CDH12: variants seen among roughly 807,000 people sequenced by gnomAD.
The protein encoded by CDH12 is cadherin 12, also known as cadherin-12.
In CDH12, 41 loss-of-function variants were observed where a neutral mutation model predicts 74.1. That is an observed-to-expected ratio of 0.55 (90% CI 0.43 to 0.72). The LOEUF (loss-of-function observed/expected upper bound fraction) is 0.72. Among genes scored for constraint, CDH12 ranks in the 30% least tolerant of loss-of-function variants. The pLI is 0.00. For missense variants in CDH12, 945 were observed against 977.2 expected (o/e 0.97, Z 0.44); for synonymous variants, 399 against 355.0 (o/e 1.12, Z -1.39).
intron 1 of CDH12, among the ~76,000 whole-genome samples, chr5:22,742,168 C>G (rs1423020022): frequency 6.8e-6 from 1 of 146,414 alleles, no homozygotes; most frequent in African/African-American, 2.5e-5. Flanking sequence ...GGTGACAGAG[C>G]AAGACTCCAT....
intron 1 of CDH12, among the ~76,000 whole-genome samples, chr5:22,824,987 AT>A (rs1400219598): frequency 2.6e-5 from 4 of 151,946 alleles, no homozygotes; most frequent in Non-Finnish European, 5.9e-5. Context: ...ACATTAATAA[AT>A]TCAAAAAGGC....
At chr5:22,306,757 T>A (rs947880755) in intron 3 of CDH12, among the ~76,000 whole-genome samples, 1 of 152,120 alleles carries the variant, frequency 6.6e-6, no homozygotes, top group African/African-American at 2.4e-5. Context: ...AAAGTTTGCA[T>A]GAAAATCAAG....
At chr5:22,313,744 G>T (rs1301740660) in intron 3 of CDH12, among the ~76,000 whole-genome samples, 1 of 152,098 alleles carries the variant, frequency 6.6e-6, no homozygotes, top group Non-Finnish European at 1.5e-5. Flanking sequence ...ACCAAAAACC[G>T]TATGTTCTCA....
At chr5:22,201,537 T>C (rs751002043) in intron 4 of CDH12, among the ~76,000 whole-genome samples, 1 of 151,916 alleles carries the variant, frequency 6.6e-6, no homozygotes, top group Non-Finnish European at 1.5e-5. Context: ...GATGGAAAAG[T>C]GTGAGGGAGG....
intron 6 of CDH12, among the ~76,000 whole-genome samples, chr5:21,921,931 G>A (rs749381083): frequency 3.3e-5 from 5 of 152,120 alleles, no homozygotes; most frequent in Non-Finnish European, 7.4e-5. Flanking sequence ...CTAACTCACT[G>A]TCAAAGCTTC....
intron 1 of CDH12, among the ~76,000 whole-genome samples, chr5:22,700,203 A>G (rs1742641119): frequency 6.6e-6 from 1 of 152,136 alleles, no homozygotes; most frequent in East Asian, 1.9e-4. Flanking sequence ...TGCTAATGAC[A>G]TGCTGACAAA....
In CDH12 at chr5:22,686,450, C is replaced by T. The variant is rs561023559; in HGVS notation, c.-523+166608G>A. On this transcript the variant is annotated intron_variant, in intron 1 of 14. Transcript: ENST00000382254. ...GGTGTCATGTTCAAGAAGTCTTCGC[C>T]TAACTAAAGGTCATGAAGATTTACT... is the stretch of plus-strand genomic sequence containing the variant. Among the ~76,000 whole-genome samples the T allele has an allele frequency of 2.6e-5, 4 of 152,282 alleles. No individual in the cohort carries two copies. In the East Asian group the frequency reaches 7.7e-4, roughly 29 times the overall value.
intron 3 of CDH12, among the ~76,000 whole-genome samples, chr5:22,304,946 G>A (rs1028092719): frequency 9.2e-5 from 14 of 152,078 alleles, no homozygotes; most frequent in Non-Finnish European, 1.6e-4. Flanking sequence ...GTAAACCTTC[G>A]AAAATACTAG....
At chr5:22,418,147 G>A (rs948297487) in intron 2 of CDH12, among the ~76,000 whole-genome samples, 2 of 152,118 alleles carry the variant, frequency 1.3e-5, no homozygotes, top group Admixed American at 6.6e-5. Flanking sequence ...AGTTCTCCTT[G>A]AAGAGGTCCT....
chr5:22,573,312 T>C (rs1739627377), intron 1 of CDH12, among the ~76,000 whole-genome samples: 1 of 152,194 alleles, frequency 6.6e-6, no homozygotes, highest in African/African-American at 2.4e-5. Context: ...ATCTAACTTT[T>C]CAGGTCTTTC....
intron 1 of CDH12, among the ~76,000 whole-genome samples, chr5:22,536,171 A>G (rs933977996): frequency 2.6e-5 from 4 of 152,190 alleles, no homozygotes; most frequent in Non-Finnish European, 5.9e-5. Context: ...CTTTGTTCTC[A>G]AGTAGCAAGT....
intron 4 of CDH12, among the ~76,000 whole-genome samples, chr5:22,167,360 G>A (rs550586741): frequency 1.3e-5 from 2 of 152,308 alleles, no homozygotes; most frequent in South Asian, 2.1e-4. Flanking sequence ...GAATTGGAAT[G>A]ACCTTACTCT....
intron 2 of CDH12, among the ~76,000 whole-genome samples, chr5:22,497,421 C>A (rs1335355594): frequency 6.6e-6 from 1 of 152,048 alleles, no homozygotes; most frequent in African/African-American, 2.4e-5. Context: ...TTGTCTCAAC[C>A]TTCCTTCCTT....
intron 8 of CDH12, among the ~76,000 whole-genome samples, chr5:21,832,941 TA>T (rs1272094082): frequency 1.4e-5 from 1 of 70,210 alleles, no homozygotes; most frequent in Non-Finnish European, 2.1e-5. Flanking sequence ...ATATTATATA[TA>T]ATATCATATT....
chr5:22,575,596 G>T (rs269872), intron 1 of CDH12, among the ~76,000 whole-genome samples: 4 of 151,864 alleles, frequency 2.6e-5, no homozygotes, highest in Non-Finnish European at 4.4e-5. Flanking sequence ...ACAGAGTCTC[G>T]CTCTATCTCC....
At chr5:22,300,817 A>G (rs891090873) in intron 3 of CDH12, among the ~76,000 whole-genome samples, 3 of 152,352 alleles carry the variant, frequency 2.0e-5, no homozygotes, top group African/African-American at 4.8e-5. Context: ...GTACAGAGCT[A>G]AAATAGAAAA....
intron 9 of CDH12, among the ~76,000 whole-genome samples, chr5:21,809,965 A>C (rs1173532902): frequency 6.6e-6 from 1 of 152,116 alleles, no homozygotes; most frequent in Non-Finnish European, 1.5e-5. Flanking sequence ...GCAAGGGAGA[A>C]AAAAATGTTA....
intron 1 of CDH12, among the ~76,000 whole-genome samples, chr5:22,653,426 T>C (rs1739844573): frequency 1.3e-5 from 2 of 151,972 alleles, no homozygotes; most frequent in South Asian, 2.1e-4. Flanking sequence ...GACGGAGCCA[T>C]CGTTTGTGTA....
At chr5:22,655,772 C>A (rs577680120) in intron 1 of CDH12, among the ~76,000 whole-genome samples, 8 of 152,318 alleles carry the variant, frequency 5.3e-5, no homozygotes, top group African/African-American at 1.9e-4. Flanking sequence ...CCACAATTCC[C>A]TTCCTCCAGC....
Sources: allele counts gnomAD v4.1 joint callset (sites outside exome capture counted in the v4.1 genomes callset), GRCh38; gene constraint gnomAD v4.1.1; transcripts MANE v1.5; gene names NCBI Gene and HGNC (gene_info 2026-07-23, HGNC 2026-07-21).